The following CLTCL1 variants were observed in gnomAD, a reference collection of about 807,000 sequenced individuals.
CLTCL1 encodes clathrin heavy chain 2.
In CLTCL1, 159 loss-of-function variants were observed where a neutral mutation model predicts 190.0. The ratio of observed to expected loss-of-function variants is 0.84; its 90% CI spans 0.74 to 0.95. CLTCL1 has a LOEUF of 0.95. Among genes scored for constraint, CLTCL1 ranks in the 40% least tolerant of loss-of-function variants. CLTCL1 has a pLI of 0.00. For missense variants in CLTCL1, 1,878 were observed against 2,033.4 expected, an observed-to-expected ratio of 0.92 and a Z score of 1.47; for synonymous variants, 752 against 769.6, an observed-to-expected ratio of 0.98 and a Z score of 0.38.
intron 18 of CLTCL1, among the ~76,000 whole-genome samples, chr22:19,216,976 G>A (rs2085405487): frequency 1.3e-5 from 2 of 152,160 alleles, no homozygotes; most frequent in African/African-American, 4.8e-5. Flanking sequence ...TCAATGAGAG[G>A]GAAGAGACAG....
At chr22:19,272,821 C>G (rs1321050382) in intron 2 of CLTCL1, among the ~76,000 whole-genome samples, 4 of 152,144 alleles carry the variant, frequency 2.6e-5, no homozygotes, top group Admixed American at 6.5e-5. Context: ...CTCTGTCACC[C>G]AGGCTGGAAT....
At chr22:19,239,475 A>AG in intron 4 of CLTCL1, 87 bp from the exon 5 acceptor site, 1 of 882,232 alleles carries the variant, frequency 1.1e-6, no homozygotes, top group Non-Finnish European at 1.9e-6. Context: ...GTGGAGCCTC[A>AG]GCTCCACACA....
rs1209063707 is a variant in CLTCL1 at position 19,291,665 on chromosome 22, G to GGCGGCGGCGGCA, written c.-25_-24insTGCCGCCGCCGC. ...ATGGCTGGTGCGGGACCTCGGCGGC[G>GGCGGCGGCGGCA]GCGGCGGCAGCGGCAGGAATGAACG... On this transcript the variant is annotated 5_prime_UTR_variant, in exon 1 of 33. Transcript: ENST00000427926. 48 of 1,364,202 alleles carry GGCGGCGGCGGCA rather than the reference G, an allele frequency of 3.5e-5. No homozygotes were observed. The African/African-American group carries it at 6.7e-4, about 19-fold the overall frequency. The allele number at this position is 1,364,202 out of a possible 1,614,324, so 84.5% of individuals were successfully genotyped here.
rs782698197 is a variant in CLTCL1 at position 19,234,708 on chromosome 22, T to C, written c.970-2A>G. The C allele has an allele frequency of 9.9e-6, 16 of 1,613,148 alleles. No homozygotes were observed. In the South Asian group the frequency reaches 1.6e-4, roughly 17 times the overall value. On this transcript the variant is annotated splice_acceptor_variant, in intron 6 of 32. Coordinates refer to ENST00000427926, the MANE Select transcript of CLTCL1 (RefSeq NM_007098.4). LOFTEE classifies it high-confidence loss of function. Reference sequence around the variant, plus strand: ...TTCCTCAACACAAACTGACAGTACCTGTAAGGACACAACAAGTGAGAGCAG... The same window carrying C: ...TTCCTCAACACAAACTGACAGTACCCGTAAGGACACAACAAGTGAGAGCAG...
At chr22:19,190,397 G>A (rs1165075841) in intron 27 of CLTCL1, among the ~76,000 whole-genome samples, 2 of 152,102 alleles carry the variant, frequency 1.3e-5, no homozygotes, top group Non-Finnish European at 2.9e-5. Flanking sequence ...CCTTCTTATA[G>A]GGGCATGGTT....
At chr22:19,205,137 T>C (rs1235997303) in intron 22 of CLTCL1, among the ~76,000 whole-genome samples, 1 of 151,724 alleles carries the variant, frequency 6.6e-6, no homozygotes, top group Non-Finnish European at 1.5e-5. Context: ...AGAAAAGCAA[T>C]ATGATATTGC....
At chr22:19,263,813 G>T in intron 2 of CLTCL1, among the ~76,000 whole-genome samples, 1 of 152,124 alleles carries the variant, frequency 6.6e-6, no homozygotes, top group African/African-American at 2.4e-5. Context: ...ACTTTTATAT[G>T]CACTGGGAAA....
At chr22:19,252,766 G>C (rs2086630597) in intron 3 of CLTCL1, among the ~76,000 whole-genome samples, 1 of 152,210 alleles carries the variant, frequency 6.6e-6, no homozygotes, top group Non-Finnish European at 1.5e-5. Flanking sequence ...TGTAATCCCA[G>C]CACTTTGGGA....
intron 1 of CLTCL1, among the ~76,000 whole-genome samples, chr22:19,277,968 T>A (rs2087575697): frequency 6.6e-6 from 1 of 152,156 alleles, no homozygotes; most frequent in South Asian, 2.1e-4. Context: ...GTTTGACTAA[T>A]TTGTTGGAGT....
At chr22:19,197,149 G>T (rs541258710) in intron 24 of CLTCL1, among the ~76,000 whole-genome samples, 122 of 152,244 alleles carry the variant, frequency 8.0e-4, no homozygotes, top group African/African-American at 2.9e-3. Context: ...CCAGACGTCT[G>T]GTTACAGCCT....
chr22:19,180,790 G>A lies in CLTCL1; in HGVS notation c.4844C>T (p.Ala1615Val), dbSNP rs895972803. Residue 1615 changes from alanine (A) to valine (V), a missense_variant, in exon 31 of 33, where the codon GCC becomes GTC. Ala to Val is a moderately conservative substitution (Grantham distance 64). Transcript: ENST00000427926. ...CTCTTGCTTGCGCAGACTCTCCAAG[G>A]CATCCAGTTTGTCCACCTGCAAGGA... is the stretch of plus-strand genomic sequence containing the variant. ...EYLSKVDKLDALESLRKQEEH... is the reference protein window; with the variant it reads ...EYLSKVDKLDVLESLRKQEEH... 1 of 1,613,804 alleles carries A rather than the reference G, an allele frequency of 6.2e-7. No homozygotes were observed.
chr22:19,183,441 C>T lies in CLTCL1; in HGVS notation c.4776G>A (p.Val1592=). 2 of 1,613,674 alleles carry T rather than the reference C, an allele frequency of 1.2e-6. No homozygotes were observed. Among genetic ancestry groups the T allele is most frequent in the Non-Finnish European group, 1.7e-6 (2 of 1,179,886 alleles). Residue 1592 remains valine (V), a synonymous_variant, in exon 30 of 33, where the codon GTG becomes GTA. Transcript: ENST00000427926. ...GGATGAAGTAGGGCATGGCCAAGTC[C>T]ACGAGGTTGTGCCTCCAGGCCAGCT... ...VLELAWRHNL[V]DLAMPYFIQV...
At chr22:19,283,992 A>AAT (rs2087816021) in intron 1 of CLTCL1, among the ~76,000 whole-genome samples, 1 of 122,756 alleles carries the variant, frequency 8.1e-6, no homozygotes, top group Non-Finnish European at 1.7e-5. Flanking sequence ...ACCCTGTCTC[A>AAT]AAAAAAAAAA....
chr22:19,266,573 A>G (rs1469723790), intron 2 of CLTCL1, among the ~76,000 whole-genome samples: 1 of 152,224 alleles, frequency 6.6e-6, no homozygotes, highest in African/African-American at 2.4e-5. Flanking sequence ...CTCTAAGGCC[A>G]ACATTTGCCT....
At chr22:19,186,735 G>A (rs1555928502) in intron 29 of CLTCL1, among the ~76,000 whole-genome samples, 1 of 151,888 alleles carries the variant, frequency 6.6e-6, no homozygotes, top group African/African-American at 2.4e-5. Context: ...CAAGTAGCTG[G>A]GATTGCAGGA....
At chr22:19,208,087 G>A (rs1226928411) in intron 22 of CLTCL1, 67 bp downstream of exon 22, 2 of 1,593,452 alleles carry the variant, frequency 1.3e-6, no homozygotes, top group Non-Finnish European at 1.7e-6. Context: ...CGGGACTGCT[G>A]CTCTGAGGAA....
intron 2 of CLTCL1, among the ~76,000 whole-genome samples, chr22:19,261,152 G>T (rs2086937200): frequency 6.8e-6 from 1 of 146,936 alleles, no homozygotes; most frequent in Admixed American, 6.9e-5. Context: ...TTGCTCTGTT[G>T]CCCAGGCTGG....
At chr22:19,203,330 T>C (rs1453493149) in intron 22 of CLTCL1, among the ~76,000 whole-genome samples, 6 of 152,048 alleles carry the variant, frequency 3.9e-5, no homozygotes, top group African/African-American at 1.4e-4. Context: ...ATAAATAAAA[T>C]AAAACTAATC....
intron 1 of CLTCL1, among the ~76,000 whole-genome samples, chr22:19,291,252 G>A (rs1393494370): frequency 2.0e-5 from 3 of 152,224 alleles, no homozygotes; most frequent in Admixed American, 6.5e-5. Flanking sequence ...AAGGAGGGGC[G>A]TGGAGCTGTG....
Sources: allele counts gnomAD v4.1 joint callset (sites outside exome capture counted in the v4.1 genomes callset), GRCh38; gene constraint gnomAD v4.1.1; transcripts MANE v1.5; gene names NCBI Gene and HGNC (gene_info 2026-07-23, HGNC 2026-07-21).